Variants in MYH11 observed in about 807,000 individuals in gnomAD.
The protein encoded by MYH11 is myosin heavy chain 11, also known as myosin-11.
A neutral mutation model predicts 246.6 loss-of-function variants in MYH11; 80 were observed. The ratio of observed to expected loss-of-function variants is 0.32; its 90% CI spans 0.27 to 0.39. MYH11 has a LOEUF of 0.39. MYH11 is among the 10% of genes least tolerant of loss of function. MYH11 has a pLI of 1.00. For missense variants in MYH11, 2,158 were observed against 2,546.8 expected (o/e 0.85, Z 3.29); for synonymous variants, 1,071 against 1,015.5 (o/e 1.05, Z -1.04).
chr16:15,804,913 G>A (rs1005788502), intron 3 of MYH11, among the ~76,000 whole-genome samples: 4 of 152,130 alleles, frequency 2.6e-5, no homozygotes, highest in African/African-American at 4.8e-5. Flanking sequence ...AACAGTTGAC[G>A]GACATTTGGG....
chr16:15,808,477 T>C (rs2043064581), intron 3 of MYH11, among the ~76,000 whole-genome samples: 1 of 152,140 alleles, frequency 6.6e-6, no homozygotes, highest in African/African-American at 2.4e-5. Context: ...CCAGCCTTCA[T>C]CTCCCCACTC....
intron 1 of MYH11, among the ~76,000 whole-genome samples, chr16:15,851,666 A>G (rs1474646062): frequency 1.3e-5 from 2 of 151,792 alleles, no homozygotes; most frequent in Non-Finnish European, 2.9e-5. Context: ...GCCCTACTTC[A>G]CTTTTACAGG....
intron 1 of MYH11, among the ~76,000 whole-genome samples, chr16:15,839,500 C>T (rs952006684): frequency 7.0e-4 from 106 of 151,952 alleles, no homozygotes; most frequent in Non-Finnish European, 1.4e-3. Flanking sequence ...CAAGACCAGC[C>T]TGGGCAACAT....
rs762068336 is a variant in MYH11 at position 15,750,035 on chromosome 16, G to A, written c.2058+103C>T. The stretch of plus-strand genomic sequence containing the variant: ...ATAGCCTTCCCCACATGGAAAATGG[G>A]GTCCTCGGGGTAGGTGGGGGCAGAG... On this transcript the variant is annotated intron_variant, in intron 16 of 40. Transcript: ENST00000300036. The surrounding 1 kb of genome is among the most constrained non-coding windows in gnomAD (Gnocchi z 4.3). 4.5e-5 allele frequency: 61 copies of A among 1,360,160 alleles called. No homozygotes were observed. In the Admixed American group the frequency reaches 1.0e-3, roughly 23 times the overall value. 84.3% of individuals were successfully genotyped at this position (1,360,160 alleles called of 1,614,324 possible). A position where few individuals can be genotyped will look rare whatever the true frequency, so the allele number is the denominator to read the frequency against.
At chr16:15,758,321 G>C (rs1342402769) in intron 12 of MYH11, among the ~76,000 whole-genome samples, 1 of 152,210 alleles carries the variant, frequency 6.6e-6, no homozygotes, top group Non-Finnish European at 1.5e-5. Context: ...TGTGAAAACA[G>C]AGGCGCAGAG....
intron 10 of MYH11, among the ~76,000 whole-genome samples, chr16:15,761,848 C>T (rs1454151641): frequency 1.3e-5 from 2 of 152,184 alleles, no homozygotes; most frequent in Admixed American, 1.3e-4. Context: ...ACTGCCACTG[C>T]AAAATTATAA....
At chr16:15,844,473 C>T (rs1382907257) in intron 1 of MYH11, among the ~76,000 whole-genome samples, 1 of 152,190 alleles carries the variant, frequency 6.6e-6, no homozygotes, top group African/African-American at 2.4e-5. Context: ...GCTGACATTA[C>T]AGGTGTGAGC....
intron 4 of MYH11, 36 bp from the exon 5 acceptor site, chr16:15,786,768 C>G: frequency 6.4e-7 from 1 of 1,565,516 alleles, no homozygotes; most frequent in Non-Finnish European, 8.8e-7. Context: ...TGCACACGTT[C>G]CATGGTGACC....
In MYH11 at chr16:15,703,930, T is replaced by G. The variant is rs1555546983; in HGVS notation, c.*61A>C. The G allele has an allele frequency of 1.7e-5, 26 of 1,574,050 alleles. No individual in the cohort carries two copies. The highest frequency in any genetic ancestry group is 3.3e-4 in the Middle Eastern group (2 of 5,974). On this transcript the variant is annotated 3_prime_UTR_variant, in exon 41 of 41. Coordinates refer to ENST00000300036, the MANE Select transcript of MYH11 (RefSeq NM_002474.3). ...TTGTTCTGGGTTGTTGTTGGGTTTTTTTTGTTTGTTTGTTTTGGTTTTTGG... is the reference window on the plus strand; with the variant it reads ...TTGTTCTGGGTTGTTGTTGGGTTTTGTTTGTTTGTTTGTTTTGGTTTTTGG...
At chr16:15,778,188 T>C (rs2042267779) in intron 7 of MYH11, among the ~76,000 whole-genome samples, 2 of 152,202 alleles carry the variant, frequency 1.3e-5, no homozygotes, top group South Asian at 4.1e-4. Flanking sequence ...CTCAGGTTCA[T>C]GAAAGAGATG....
At chr16:15,764,062 A>G (rs2151282897) in intron 9 of MYH11, among the ~76,000 whole-genome samples, 171 bp from the exon 10 acceptor site, 1 of 152,298 alleles carries the variant, frequency 6.6e-6, no homozygotes, top group South Asian at 2.1e-4. Context: ...TTGCATTACA[A>G]TGGAATGCCA....
chr16:15,856,376 C>T (rs921594143), intron 1 of MYH11, among the ~76,000 whole-genome samples: 12 of 151,634 alleles, frequency 7.9e-5, no homozygotes, highest in African/African-American at 2.9e-4. Flanking sequence ...AAGCCTATGC[C>T]CATGTGTTTT....
chr16:15,790,790 C>A (rs1226997618), intron 4 of MYH11, among the ~76,000 whole-genome samples: 1 of 150,468 alleles, frequency 6.6e-6, no homozygotes, highest in African/African-American at 2.5e-5. Flanking sequence ...CCAGCCCCAG[C>A]AGCTGGGAAG....
Position 15,747,890 on chromosome 16 carries a change from T to A in MYH11, c.2234A>T (p.Gln745Leu), listed in dbSNP as rs1208240975. 1 of 1,613,796 alleles carries A rather than the reference T, an allele frequency of 6.2e-7. No individual in the cohort carries two copies. The highest frequency in any genetic ancestry group is 1.3e-5 in the African/African-American group (1 of 74,920). Residue 745 changes from glutamine to leucine, a missense_variant, in exon 18 of 41, where the codon CAG becomes CTG. This residue lies in a region of MYH11 where 56 missense variants were observed against 47.2 expected (regional missense o/e 1.19). Transcript: ENST00000300036. ...AIPKGFMDGK[Q>L]ACILMIKALE... ...TGGGCTCACCATGAGAATGCAGGCC[T>A]GCTTCCCGTCCATGAAGCCTTTGGG...
chr16:15,856,055 G>A (rs539334759), intron 1 of MYH11, among the ~76,000 whole-genome samples: 3 of 152,190 alleles, frequency 2.0e-5, no homozygotes, highest in East Asian at 3.9e-4. Flanking sequence ...ACTTTCTCTC[G>A]TTTTACCCAT....
chr16:15,717,123 A>G lies in MYH11; in HGVS notation c.5504+17T>C. ...CACCCCCCTGCAAACTGGGTTCGGAACTCCACACCCGCATACCTGGCCTCC... is the reference window on the plus strand; with the variant it reads ...CACCCCCCTGCAAACTGGGTTCGGAGCTCCACACCCGCATACCTGGCCTCC... On this transcript the variant is annotated intron_variant, in intron 38 of 40. Coordinates refer to ENST00000300036, the MANE Select transcript of MYH11 (RefSeq NM_002474.3). The G allele has an allele frequency of 6.2e-7, 1 of 1,613,526 alleles. No individual in the cohort carries two copies. Among genetic ancestry groups the G allele is most frequent in the South Asian group, 1.1e-5 (1 of 91,056 alleles).
chr16:15,724,915 G>A lies in MYH11; in HGVS notation c.3936C>T (p.Ser1312=), dbSNP rs2040674524. The A allele has an allele frequency of 6.2e-7, 1 of 1,613,996 alleles. No individual in the cohort carries two copies. The highest frequency in any genetic ancestry group is 8.5e-7 in the Non-Finnish European group (1 of 1,180,046). ...KAIKLAKDVA[S]LSSQLQDTQE... ...GGGTGTCCTGGAGCTGGGAACTGAGGGACGCCACGTCCTTGGCCAGCTTAA... is the reference window on the plus strand; with the variant it reads ...GGGTGTCCTGGAGCTGGGAACTGAGAGACGCCACGTCCTTGGCCAGCTTAA... Residue 1312 remains serine (S), a synonymous_variant, in exon 29 of 41, where the codon TCC becomes TCT. Coordinates refer to ENST00000300036, the MANE Select transcript of MYH11 (RefSeq NM_002474.3).
chr16:15,717,356 G>A lies in MYH11; in HGVS notation c.5296-8C>T, dbSNP rs1232227737. On this transcript the variant is annotated splice_region_variant and splice_polypyrimidine_tract_variant and intron_variant, in intron 37 of 40. Transcript: ENST00000300036. ...GTTGCTGAGCTGCTCGGCCTGGGGA[G>A]GAGAGTGAAGGCCATGAGGCGGACT... The A allele has an allele frequency of 6.2e-7, 1 of 1,604,256 alleles. No individual in the cohort carries two copies. The highest frequency in any genetic ancestry group is 8.5e-7 in the Non-Finnish European group (1 of 1,179,872).
At chr16:15,812,412 T>C (rs1223044999) in intron 3 of MYH11, among the ~76,000 whole-genome samples, 1 of 151,416 alleles carries the variant, frequency 6.6e-6, no homozygotes, top group Non-Finnish European at 1.5e-5. Context: ...AAGATAAACA[T>C]CATGGGAAAA....
Sources: allele counts gnomAD v4.1 joint callset (sites outside exome capture counted in the v4.1 genomes callset), GRCh38; gene constraint gnomAD v4.1.1; regional missense constraint gnomAD v4.1.1; non-coding constraint Gnocchi (gnomAD v3.1); transcripts MANE v1.5; gene names NCBI Gene and HGNC (gene_info 2026-07-23, HGNC 2026-07-21).